C4orf50: variants seen among roughly 807,000 people sequenced by gnomAD.
C4orf50 encodes the protein chromosome 4 open reading frame 50.
Under a neutral mutation model 77.2 loss-of-function variants are expected in C4orf50, and 80 were observed. The ratio of observed to expected loss-of-function variants is 1.04; its 90% CI spans 0.87 to 1.25. The LOEUF (loss-of-function observed/expected upper bound fraction) is 1.25. C4orf50 is among the 50% of genes most tolerant of loss of function. C4orf50 has a pLI of 0.00. For synonymous variants in C4orf50, 532 were observed against 465.3 expected (o/e 1.14, Z -1.84); for missense variants, 1,257 against 1,152.9 (o/e 1.09, Z -1.31).
chr4:6,016,562 A>G (rs1011088539), intron 23 of C4orf50, among the ~76,000 whole-genome samples: 2 of 152,184 alleles, frequency 1.3e-5, no homozygotes, highest in African/African-American at 4.8e-5. Context: ...ACAAAGCAAA[A>G]TAAAAAACAA....
intron 7 of C4orf50, among the ~76,000 whole-genome samples, chr4:5,913,278 G>A (rs1267598979): frequency 6.6e-6 from 1 of 152,146 alleles, no homozygotes; most frequent in Non-Finnish European, 1.5e-5. Context: ...ATCTGATCCT[G>A]GGAAACTACT....
chr4:5,993,860 A>AT (rs200916439), intron 26 of C4orf50, among the ~76,000 whole-genome samples: 1 of 108,234 alleles, frequency 9.2e-6, no homozygotes, highest in Non-Finnish European at 2.3e-5. Context: ...AAATAAATAA[A>AT]AAAAAAAAAG....
chr4:5,936,036 G>A (rs1007357358), intron 7 of C4orf50, among the ~76,000 whole-genome samples: 3 of 152,068 alleles, frequency 2.0e-5, no homozygotes, highest in African/African-American at 7.2e-5. Context: ...TATCTATATG[G>A]ATTTATTTAA....
intron 7 of C4orf50, among the ~76,000 whole-genome samples, chr4:5,943,076 T>C (rs1476462602): frequency 2.0e-5 from 3 of 152,226 alleles, no homozygotes; most frequent in Non-Finnish European, 2.9e-5. Context: ...TATGAAAGGA[T>C]ATTTGATTAT....
rs1309972032 is a variant in C4orf50, at chr4:5,993,125, T to C, written c.1094-195A>G. Among the ~76,000 whole-genome samples the C allele has an allele frequency of 2.7e-5, 4 of 147,604 alleles. No individual in the cohort carries two copies. In the East Asian group the frequency reaches 5.9e-4, roughly 22 times the overall value. On this transcript the variant is annotated intron_variant, in intron 26 of 33. Transcript: ENST00000531445. Reference sequence around the variant, plus strand: ...GAAGCTGAGGCTCAGAGACGTGAAATAGCCAACAGCAGGTGGGCAGAGACC... The same window carrying C: ...GAAGCTGAGGCTCAGAGACGTGAAACAGCCAACAGCAGGTGGGCAGAGACC...
At position 6,017,681 on chromosome 4, in the gene C4orf50, G is replaced by C. The variant is rs995131120; in HGVS notation, c.287+464C>G. Among the ~76,000 whole-genome samples the C allele has an allele frequency of 1.6e-4, 24 of 152,226 alleles. No individual in the cohort carries two copies. The highest frequency in any genetic ancestry group is 3.9e-4 in the African/African-American group (16 of 41,542). On this transcript the variant is annotated intron_variant, in intron 23 of 33. Coordinates refer to ENST00000531445, the Ensembl canonical transcript of C4orf50. The surrounding 1 kb of genome is among the most constrained non-coding windows in gnomAD (Gnocchi z 4.7). The stretch of plus-strand genomic sequence containing the variant: ...AGGTTTGCTGTGTGGACATCTACTT[G>C]TCTGGCGGCTGCCTAAAACCATGCT...
At chr4:6,004,626 T>C (rs1722160195) in intron 25 of C4orf50, among the ~76,000 whole-genome samples, 2 of 133,824 alleles carry the variant, frequency 1.5e-5, no homozygotes, top group Non-Finnish European at 3.3e-5. Flanking sequence ...GTGATGGTGA[T>C]GGTGACTGTG....
intron 25 of C4orf50, among the ~76,000 whole-genome samples, chr4:6,003,679 AGTGATGATG>A (rs1721956416): frequency 1.6e-5 from 1 of 64,064 alleles, no homozygotes; most frequent in African/African-American, 6.4e-5. Context: ...TGGTGATGAT[AGTGATGATG>A]GTGATGATAG....
chr4:5,985,092 G>A (rs1720788950), intron 28 of C4orf50, among the ~76,000 whole-genome samples: 1 of 152,026 alleles, frequency 6.6e-6, no homozygotes, highest in South Asian at 2.1e-4. Context: ...TCTTTAAAGA[G>A]CCAAAAGAGT....
intron 30 of C4orf50, among the ~76,000 whole-genome samples, chr4:5,974,579 C>T (rs1334976485): frequency 6.6e-6 from 1 of 152,240 alleles, no homozygotes; most frequent in Non-Finnish European, 1.5e-5. Context: ...TGCAGGTCAG[C>T]GGGAGTCCAG....
At chr4:5,933,087 T>C (rs6446410) in intron 7 of C4orf50, among the ~76,000 whole-genome samples, 109,816 of 152,072 alleles carry the variant, frequency 0.72, 40,284 homozygotes, top group East Asian at 0.87. Context: ...GAGCCTGGTG[T>C]TGTCTTGTGC....
chr4:5,939,047 G>T (rs560940433), intron 7 of C4orf50, among the ~76,000 whole-genome samples: 276 of 152,244 alleles, frequency 1.8e-3, no homozygotes, highest in African/African-American at 6.4e-3. Flanking sequence ...TTCAAGACCA[G>T]CCTGGCCAAC....
chr4:5,959,248 G>A (rs149605958), exon 34 of C4orf50: 38 of 1,153,138 alleles, frequency 3.3e-5, no homozygotes, highest in East Asian at 4.7e-5. Context: ...TCCCAAAGCC[G>A]AAGGCAAAAC....
At chr4:5,903,983 AT>A (rs758809357) in intron 7 of C4orf50, 1 of 152,184 alleles carries the variant, frequency 6.6e-6, no homozygotes, top group Admixed American at 6.5e-5. Flanking sequence ...GTAATGTGAT[AT>A]GGGGCCTGCC....
chr4:5,898,848 G>C (rs1716235247), intron 7 of C4orf50: 1 of 152,096 alleles, frequency 6.6e-6, no homozygotes, highest in Non-Finnish European at 1.5e-5. Flanking sequence ...AAAAAAAAAT[G>C]GTGTTGGAAA....
At chr4:5,928,347 TACAC>T (rs943846373) in intron 7 of C4orf50, among the ~76,000 whole-genome samples, 1 of 134,022 alleles carries the variant, frequency 7.5e-6, no homozygotes, top group African/African-American at 2.6e-5. Flanking sequence ...TCCCCTCTCA[TACAC>T]ACACACACAC....
chr4:5,969,978 G>A (rs1445403629), intron 31 of C4orf50, among the ~76,000 whole-genome samples: 1 of 152,110 alleles, frequency 6.6e-6, no homozygotes, highest in Non-Finnish European at 1.5e-5. Flanking sequence ...AGCCAGTGCT[G>A]TGTCCCAGGT....
chr4:5,938,520 G>A (rs1318172235), intron 7 of C4orf50, among the ~76,000 whole-genome samples: 1 of 152,138 alleles, frequency 6.6e-6, no homozygotes, highest in Admixed American at 6.5e-5. Flanking sequence ...AGCCTTCCCA[G>A]CATTGAATAA....
chr4:6,000,216 T>C lies in C4orf50; in HGVS notation c.964-5740A>G, dbSNP rs977566496. On this transcript the variant is annotated intron_variant, in intron 25 of 33. Coordinates refer to ENST00000531445, the Ensembl canonical transcript of C4orf50. This position sits in a 1 kb window ranked among gnomAD's most constrained non-coding sequence, Gnocchi z 6.0. Reference sequence around the variant, plus strand: ...CAGTCACACAGCATGCGATGCTCTCTGGACTCTGCGACTTCACAGATGTGC... The same window carrying C: ...CAGTCACACAGCATGCGATGCTCTCCGGACTCTGCGACTTCACAGATGTGC... Among the ~76,000 whole-genome samples the C allele has an allele frequency of 1.3e-5, 2 of 152,132 alleles. No homozygotes were observed. Among genetic ancestry groups the C allele is most frequent in the African/African-American group, 4.8e-5 (2 of 41,438 alleles).
Sources: allele counts gnomAD v4.1 joint callset (sites outside exome capture counted in the v4.1 genomes callset), GRCh38; gene constraint gnomAD v4.1.1; non-coding constraint Gnocchi (gnomAD v3.1); transcripts MANE v1.5; gene names NCBI Gene and HGNC (gene_info 2026-07-23, HGNC 2026-07-21).